ZNF385D: variants seen among roughly 807,000 people sequenced by gnomAD.
ZNF385D encodes the protein zinc finger protein 659.
A neutral mutation model predicts 35.8 loss-of-function variants in ZNF385D; 15 were observed. The observed-to-expected ratio is 0.42, with a 90% CI of 0.28 to 0.64. The LOEUF is 0.64. Ranked by LOEUF, ZNF385D falls within the 30% of genes least tolerant of loss-of-function variation. The probability of loss-of-function intolerance (pLI) is 0.23; values close to 1 mark genes in which losing one functional copy is unlikely to be tolerated. For synonymous variants in ZNF385D, 212 were observed against 186.8 expected, an observed-to-expected ratio of 1.13 and a Z score of -1.10; for missense variants, 474 against 494.6, an observed-to-expected ratio of 0.96 and a Z score of 0.39.
intron 2 of ZNF385D, among the ~76,000 whole-genome samples, chr3:22,228,940 C>T (rs190988794): frequency 1.2e-3 from 177 of 152,340 alleles, no homozygotes; most frequent in African/African-American, 3.9e-3. Flanking sequence ...GCTCTTAGGC[C>T]TTCGGCCACA....
At chr3:22,114,196 T>A (rs147629901) in intron 3 of ZNF385D, among the ~76,000 whole-genome samples, 1 of 152,208 alleles carries the variant, frequency 6.6e-6, no homozygotes, top group East Asian at 1.9e-4. Flanking sequence ...TATTATTGTT[T>A]GTATGCTTAC....
At chr3:22,233,077 A>G (rs181514841) in intron 2 of ZNF385D, among the ~76,000 whole-genome samples, 2 of 151,864 alleles carry the variant, frequency 1.3e-5, no homozygotes, top group African/African-American at 2.4e-5. Context: ...TTTTACTATA[A>G]TTTTTTTTGT....
At chr3:21,911,316 T>C (rs1391507967) in intron 3 of ZNF385D, among the ~76,000 whole-genome samples, 1 of 152,010 alleles carries the variant, frequency 6.6e-6, no homozygotes, top group Non-Finnish European at 1.5e-5. Context: ...AGTTTATTAA[T>C]AAGATTCTAA....
At chr3:21,994,475 A>G (rs1015499077) in intron 3 of ZNF385D, among the ~76,000 whole-genome samples, 17 of 151,910 alleles carry the variant, frequency 1.1e-4, no homozygotes, top group African/African-American at 3.6e-4. Flanking sequence ...TCTGTATTCT[A>G]TTGTATCTCA....
At chr3:21,827,972 G>A (rs941420102) in intron 3 of ZNF385D, among the ~76,000 whole-genome samples, 4 of 152,308 alleles carry the variant, frequency 2.6e-5, no homozygotes, top group Admixed American at 1.3e-4. Context: ...ATGTTACTAT[G>A]AGTCAGTTGT....
intron 3 of ZNF385D, among the ~76,000 whole-genome samples, chr3:21,969,904 G>C (rs546076859): frequency 2.0e-5 from 3 of 152,272 alleles, no homozygotes; most frequent in Admixed American, 2.0e-4. Context: ...AGCAGAACAA[G>C]AGTCTCTGCC....
intron 4 of ZNF385D, among the ~76,000 whole-genome samples, chr3:21,473,548 T>C (rs1704037713): frequency 6.6e-6 from 1 of 152,102 alleles, no homozygotes; most frequent in Non-Finnish European, 1.5e-5. Flanking sequence ...ACCAATGCTA[T>C]AGCTTGCTTC....
At chr3:21,659,075 C>T (rs1223527368) in intron 2 of ZNF385D, among the ~76,000 whole-genome samples, 1 of 151,990 alleles carries the variant, frequency 6.6e-6, no homozygotes, top group Non-Finnish European at 1.5e-5. Context: ...CTCCTCCTCA[C>T]TATCCTGCTT....
At chr3:22,036,729 T>A (rs527391268) in intron 3 of ZNF385D, among the ~76,000 whole-genome samples, 1 of 145,620 alleles carries the variant, frequency 6.9e-6, no homozygotes, top group Non-Finnish European at 1.5e-5. Context: ...TTTTTTTTTA[T>A]ACTCTAAGTT....
chr3:21,621,764 C>T (rs2065013289), intron 2 of ZNF385D, among the ~76,000 whole-genome samples: 1 of 151,874 alleles, frequency 6.6e-6, no homozygotes, highest in African/African-American at 2.4e-5. Context: ...GATACTCAAG[C>T]ACATTGGCTG....
At chr3:21,651,605 T>C (rs1226068373) in intron 2 of ZNF385D, among the ~76,000 whole-genome samples, 9 of 151,908 alleles carry the variant, frequency 5.9e-5, no homozygotes, top group Non-Finnish European at 1.3e-4. Context: ...ATTAGAATAA[T>C]GCCATTTATA....
At chr3:22,303,373 C>T (rs959660947) in intron 2 of ZNF385D, among the ~76,000 whole-genome samples, 1 of 152,172 alleles carries the variant, frequency 6.6e-6, no homozygotes, top group African/African-American at 2.4e-5. Flanking sequence ...TGCCACTACT[C>T]TGTTCCCATA....
At chr3:22,068,924 A>G (rs75287623) in intron 3 of ZNF385D, among the ~76,000 whole-genome samples, 12,633 of 152,312 alleles carry the variant, frequency 0.083, 691 homozygotes, top group Admixed American at 0.16. Flanking sequence ...AAGGTGTCTC[A>G]GGATTGGTAC....
At chr3:21,864,232 G>A (rs1697210727) in intron 3 of ZNF385D, among the ~76,000 whole-genome samples, 1 of 152,112 alleles carries the variant, frequency 6.6e-6, no homozygotes. Context: ...GAAAAGGCAT[G>A]TGACATTTGA....
chr3:21,596,262 ATAT>A (rs1448793676), intron 2 of ZNF385D, among the ~76,000 whole-genome samples: 2 of 152,180 alleles, frequency 1.3e-5, no homozygotes, highest in African/African-American at 4.8e-5. Context: ...CACTTCAGTA[ATAT>A]TATAACACAA....
intron 3 of ZNF385D, among the ~76,000 whole-genome samples, chr3:21,955,977 G>A (rs1702264705): frequency 6.6e-6 from 1 of 151,956 alleles, no homozygotes; most frequent in Non-Finnish European, 1.5e-5. Context: ...CTTGAGCTCA[G>A]GTATATGAAA....
At position 21,934,030 on chromosome 3, in the gene ZNF385D, TA is replaced by T. The variant is rs894775318; in HGVS notation, c.325+234786del. Among the ~76,000 whole-genome samples, 47 of 150,474 alleles carry T rather than the reference TA, an allele frequency of 3.1e-4. 1 individual carries two copies. The East Asian group carries it at 6.0e-3, about 19-fold the overall frequency. The stretch of plus-strand genomic sequence containing the variant: ...TTAAAAAAAAAATCCTAACTTTGGC[TA>T]AAAAAAAAGTGCTGAAAAATGAAAA... On this transcript the variant is annotated intron_variant, in intron 3 of 5. Transcript: ENST00000494108.
chr3:21,853,567 G>A (rs538278992), intron 3 of ZNF385D, among the ~76,000 whole-genome samples: 9 of 144,362 alleles, frequency 6.2e-5, no homozygotes, highest in African/African-American at 2.1e-4. Flanking sequence ...GCCTCAGTAC[G>A]TAATTGTGGG....
chr3:21,818,766 T>A (rs2073270114), intron 3 of ZNF385D, among the ~76,000 whole-genome samples: 1 of 152,044 alleles, frequency 6.6e-6, no homozygotes, highest in Non-Finnish European at 1.5e-5. Context: ...ACATTCATTA[T>A]CCAAATATAT....
Sources: gnomAD v4.1 joint callset for allele counts (sites outside exome capture counted in the v4.1 genomes callset) on GRCh38, gnomAD v4.1.1 for gene constraint, MANE v1.5 for transcripts, NCBI Gene and HGNC (gene_info 2026-07-23, HGNC 2026-07-21) for gene names.